Variants in ARHGEF28 observed in about 807,000 individuals in gnomAD.
ARHGEF28 encodes the protein 190 kDa guanine nucleotide exchange factor.
ARHGEF28 carries 152 observed loss-of-function variants against 206.6 expected under a neutral mutation model. The observed-to-expected ratio is 0.74, with a 90% CI of 0.64 to 0.84. The LOEUF is 0.84. ARHGEF28 is among the 40% of genes least tolerant of loss of function. The pLI is 0.00. For missense variants in ARHGEF28, 2,028 were observed against 2,073.2 expected (o/e 0.98, Z 0.42); for synonymous variants, 763 against 776.4 (o/e 0.98, Z 0.29).
intron 24 of ARHGEF28, among the ~76,000 whole-genome samples, chr5:73,884,329 C>A (rs1761131029): frequency 6.6e-6 from 1 of 152,156 alleles, no homozygotes; most frequent in Non-Finnish European, 1.5e-5. Flanking sequence ...TCATCAAGTT[C>A]CAGGGAGTAA....
intron 27 of ARHGEF28, 145 bp downstream of exon 27, chr5:73,892,375 A>G (rs959609791): frequency 3.6e-6 from 3 of 829,558 alleles, no homozygotes; most frequent in Admixed American, 2.9e-5. Context: ...ATAGCCCCCC[A>G]TCTGCAGCTT....
chr5:73,862,766 A>G (rs188263813), intron 16 of ARHGEF28, among the ~76,000 whole-genome samples: 5 of 152,218 alleles, frequency 3.3e-5, no homozygotes, highest in African/African-American at 1.2e-4. Context: ...TATTTCAAAA[A>G]AAAGTTGACA....
rs183375394 is a variant in ARHGEF28, at chr5:73,771,775, T to G, written c.476-2080T>G. On this transcript the variant is annotated intron_variant, in intron 4 of 35. Coordinates refer to ENST00000513042, the MANE Select transcript of ARHGEF28 (RefSeq NM_001177693.2). Reference sequence around the variant, plus strand: ...GGAATCTAAAAACAAAAACCTCACTTTTTATTCAAAGGAGTATAATGGTCA... The same window carrying G: ...GGAATCTAAAAACAAAAACCTCACTGTTTATTCAAAGGAGTATAATGGTCA... Among the ~76,000 whole-genome samples, 206 of 152,314 alleles carry G rather than the reference T, an allele frequency of 1.4e-3. 1 individual carries two copies. The highest frequency in any genetic ancestry group is 4.4e-3 in the African/African-American group (181 of 41,576).
chr5:73,723,388 A>T (rs1487990179), intron 2 of ARHGEF28, among the ~76,000 whole-genome samples: 1 of 152,094 alleles, frequency 6.6e-6, no homozygotes, highest in Non-Finnish European at 1.5e-5. Context: ...GGGTTTCACC[A>T]TGTTGGCCAG....
Position 73,840,380 on chromosome 5 carries a change from G to C in ARHGEF28, c.1147-100G>C, listed in dbSNP as rs568347875. On this transcript the variant is annotated intron_variant, in intron 10 of 35. Transcript: ENST00000513042. ...TCTGCCAGCCTCGGCCTCCTACCAC[G>C]CCTGGCCAGAAGTTTTTAAATTGGG... 266 of 1,243,770 alleles carry C rather than the reference G, an allele frequency of 2.1e-4. 1 individual carries two copies. In the Admixed American group the frequency reaches 6.0e-3, roughly 28 times the overall value. 77.0% of individuals were successfully genotyped at this position (1,243,770 alleles called of 1,614,324 possible).
Position 73,776,544 on chromosome 5 carries a change from T to TCCC in ARHGEF28, c.689_691dup (p.Ser230_Arg231insPro). On this transcript the variant is annotated inframe_insertion, in exon 6 of 36. Transcript: ENST00000513042. ...TCAGGGCAGATGGTCCCCAAGCTTC[T>TCCC]CCCGAGTGCAGCTCAGTGAAGAAGC... 1 of 1,611,916 alleles carries TCCC rather than the reference T, an allele frequency of 6.2e-7. No homozygotes were observed. Among genetic ancestry groups the TCCC allele is most frequent in the East Asian group, 2.2e-5 (1 of 44,882 alleles).
chr5:73,715,513 A>G (rs1439902836), intron 2 of ARHGEF28, among the ~76,000 whole-genome samples: 1 of 152,228 alleles, frequency 6.6e-6, no homozygotes, highest in African/African-American at 2.4e-5. Context: ...AAAAATAGAA[A>G]GGAAGTTTGG....
intron 2 of ARHGEF28, among the ~76,000 whole-genome samples, chr5:73,687,054 G>A (rs1179251098): frequency 6.6e-6 from 1 of 152,070 alleles, no homozygotes; most frequent in African/African-American, 2.4e-5. Context: ...TTACCTACAC[G>A]TGTGTGACCT....
intron 6 of ARHGEF28, 180 bp from the exon 7 acceptor site, chr5:73,780,496 T>A (rs1423367253): frequency 1.7e-6 from 1 of 595,452 alleles, no homozygotes; most frequent in Non-Finnish European, 2.9e-6. Context: ...CTCCTGACTT[T>A]GCTCGCCCTC....
chr5:73,828,513 GACTT>G lies in ARHGEF28; in HGVS notation c.1025-3821_1025-3818del, dbSNP rs557524137. Among the ~76,000 whole-genome samples the G allele has an allele frequency of 2.7e-3, 404 of 152,072 alleles. 1 individual carries two copies. Among genetic ancestry groups the G allele is most frequent in the Non-Finnish European group, 3.7e-3 (253 of 67,974 alleles). ...TCTTGCACACCTATGTCCTTCACAAGACTTACTGTCTCGGTGGAGCCATTACCCG... is the reference window on the plus strand; with the variant it reads ...TCTTGCACACCTATGTCCTTCACAAGACTGTCTCGGTGGAGCCATTACCCG... On this transcript the variant is annotated intron_variant, in intron 9 of 35. Transcript: ENST00000513042.
At chr5:73,663,891 G>T (rs551001481) in intron 1 of ARHGEF28, among the ~76,000 whole-genome samples, 3 of 152,164 alleles carry the variant, frequency 2.0e-5, no homozygotes, top group Non-Finnish European at 4.4e-5. Flanking sequence ...ATGTAGTTAC[G>T]TTTGTGCAAG....
intron 35 of ARHGEF28, chr5:73,923,040 T>C (rs1763603993): frequency 4.0e-6 from 6 of 1,490,050 alleles, no homozygotes; most frequent in Non-Finnish European, 5.4e-6. Flanking sequence ...CAAAATGTGA[T>C]GGTCTGTTAG....
intron 10 of ARHGEF28, among the ~76,000 whole-genome samples, chr5:73,832,966 T>A (rs948935849): frequency 6.6e-6 from 1 of 152,206 alleles, no homozygotes; most frequent in African/African-American, 2.4e-5. Flanking sequence ...TACAGAATGG[T>A]ATCATATTAT....
At chr5:73,844,623 T>G (rs1354586196) in intron 11 of ARHGEF28, among the ~76,000 whole-genome samples, 1 of 132,160 alleles carries the variant, frequency 7.6e-6, no homozygotes, top group Non-Finnish European at 1.6e-5. Context: ...TATTTCAAAA[T>G]AAAAAAAAAA....
At chr5:73,853,221 A>G (rs145835626) in intron 14 of ARHGEF28, among the ~76,000 whole-genome samples, 65 of 152,364 alleles carry the variant, frequency 4.3e-4, no homozygotes, top group African/African-American at 1.5e-3. Flanking sequence ...CCTAGAAGGT[A>G]AAACTGTTGT....
At chr5:73,920,988 A>G (rs1216084377) in intron 35 of ARHGEF28, among the ~76,000 whole-genome samples, 1 of 152,178 alleles carries the variant, frequency 6.6e-6, no homozygotes, top group Admixed American at 6.5e-5. Flanking sequence ...CTTGAATACC[A>G]TGACATCAAG....
At chr5:73,637,543 G>C (rs1441230368) in intron 1 of ARHGEF28, among the ~76,000 whole-genome samples, 1 of 152,220 alleles carries the variant, frequency 6.6e-6, no homozygotes, top group Non-Finnish European at 1.5e-5. Flanking sequence ...TTATATTGGT[G>C]ATTTGGACAA....
At chr5:73,793,135 T>G (rs1024727360) in intron 7 of ARHGEF28, among the ~76,000 whole-genome samples, 1 of 152,212 alleles carries the variant, frequency 6.6e-6, no homozygotes, top group African/African-American at 2.4e-5. Flanking sequence ...CATTATAAAT[T>G]CAAGAGCAAT....
rs1411224949 is a variant in ARHGEF28 at position 73,725,702 on chromosome 5, G to T, written c.34-24135G>T. Among the ~76,000 whole-genome samples the T allele has an allele frequency of 2.0e-5, 3 of 152,128 alleles. No individual in the cohort carries two copies. In the East Asian group the frequency reaches 5.8e-4, roughly 29 times the overall value. On this transcript the variant is annotated intron_variant, in intron 2 of 35. Transcript: ENST00000513042. ...AAGTTGGCTGTTTTCGTTGGTATTT[G>T]GGAAAGCTAGGGATATGCTTGGGGT...
Sources: gnomAD v4.1 joint callset for allele counts (sites outside exome capture counted in the v4.1 genomes callset) on GRCh38, gnomAD v4.1.1 for gene constraint, MANE v1.5 for transcripts, NCBI Gene and HGNC (gene_info 2026-07-23, HGNC 2026-07-21) for gene names.